Variants in ORC3 observed in about 807,000 individuals in gnomAD.
ORC3 encodes the protein homolog of latheo, Drosophila.
ORC3 carries 78 observed loss-of-function variants against 100.7 expected under a neutral mutation model. The observed-to-expected ratio is 0.77, with a 90% confidence interval of 0.65 to 0.94. The LOEUF is 0.94. ORC3 is among the 40% of genes least tolerant of loss of function. ORC3 has a pLI of 0.00. For missense variants in ORC3, 789 were observed against 823.9 expected (o/e 0.96, Z 0.52); for synonymous variants, 295 against 289.3 (o/e 1.02, Z -0.20).
intron 8 of ORC3, among the ~76,000 whole-genome samples, chr6:87,612,624 T>C (rs995801924): frequency 2.0e-5 from 3 of 152,204 alleles, no homozygotes; most frequent in Non-Finnish European, 4.4e-5. Flanking sequence ...TAATTTTTAT[T>C]TTTTTGAGAA....
chr6:87,627,732 T>G (rs910737073), intron 11 of ORC3, among the ~76,000 whole-genome samples: 2 of 152,216 alleles, frequency 1.3e-5, no homozygotes, highest in African/African-American at 4.8e-5. Context: ...GTTTATCATT[T>G]TGTGCCCATT....
intron 3 of ORC3, 108 bp downstream of exon 3, chr6:87,601,989 A>T (rs2128247680): frequency 1.4e-6 from 1 of 728,336 alleles, no homozygotes; most frequent in South Asian, 1.6e-5. Flanking sequence ...TATAGGAAGT[A>T]TTGGTCAAGC....
intron 2 of ORC3, among the ~76,000 whole-genome samples, chr6:87,594,996 A>T (rs1351610205): frequency 6.6e-6 from 1 of 152,246 alleles, no homozygotes; most frequent in Non-Finnish European, 1.5e-5. Context: ...ATTCCATTTT[A>T]TGAATAAACT....
intron 16 of ORC3, among the ~76,000 whole-genome samples, chr6:87,662,444 A>G (rs1256243039): frequency 6.6e-6 from 1 of 152,154 alleles, no homozygotes; most frequent in Non-Finnish European, 1.5e-5. Context: ...AAAAAAACCA[A>G]AACAAAACAA....
At position 87,621,497 on chromosome 6, in the gene ORC3, G is replaced by T. The variant is rs1222324405; in HGVS notation, c.1121+10G>T. 6.4e-7 allele frequency: 1 copy of T among 1,568,038 alleles called. No homozygotes were observed. Among genetic ancestry groups the T allele is most frequent in the South Asian group, 1.2e-5 (1 of 83,744 alleles). On this transcript the variant is annotated intron_variant, in intron 10 of 19. Transcript: ENST00000392844. ...TACCATCTTTTAGGAGGTAAAAAGA[G>T]AAGTACATGTTTAACACATACTATA...
chr6:87,624,503 G>C (rs1446721393), intron 11 of ORC3, among the ~76,000 whole-genome samples: 1 of 152,018 alleles, frequency 6.6e-6, no homozygotes, highest in East Asian at 1.9e-4. Flanking sequence ...CAAAACAAAA[G>C]AATGTGTCTT....
intron 2 of ORC3, among the ~76,000 whole-genome samples, chr6:87,601,563 G>A (rs1777900421): frequency 1.3e-5 from 2 of 151,938 alleles, no homozygotes; most frequent in South Asian, 4.2e-4. Context: ...ACAGCCACTC[G>A]GGAGGCTGAG....
the ORC3 span, among the ~76,000 whole-genome samples, chr6:87,676,316 T>A: frequency 1.4e-5 from 2 of 142,630 alleles, no homozygotes; most frequent in Admixed American, 1.4e-4. Flanking sequence ...TACAAAAAAA[T>A]TAGCTGGGCA....
chr6:87,600,533 A>G (rs1345267437), intron 2 of ORC3, among the ~76,000 whole-genome samples: 1 of 152,196 alleles, frequency 6.6e-6, no homozygotes, highest in Non-Finnish European at 1.5e-5. Flanking sequence ...GTTTGGGGGC[A>G]GTGGGAGGAA....
intron 13 of ORC3, among the ~76,000 whole-genome samples, chr6:87,643,192 T>A (rs1386701250): frequency 6.6e-6 from 1 of 151,998 alleles, no homozygotes; most frequent in Non-Finnish European, 1.5e-5. Flanking sequence ...GCGAGGTGGC[T>A]CACGCCTGTA....
intron 13 of ORC3, among the ~76,000 whole-genome samples, chr6:87,650,033 T>G (rs1769125553): frequency 6.6e-6 from 1 of 151,676 alleles, no homozygotes; most frequent in Non-Finnish European, 1.5e-5. Context: ...GCATATATAT[T>G]TTTTATTCAC....
intron 7 of ORC3, chr6:87,609,434 G>T: frequency 2.2e-6 from 1 of 453,350 alleles, no homozygotes; most frequent in Non-Finnish European, 3.9e-6. Flanking sequence ...GGCACATTTA[G>T]CCAGTTTTAA....
chr6:87,613,730 G>T (rs187461618), intron 8 of ORC3, among the ~76,000 whole-genome samples: 1 of 152,164 alleles, frequency 6.6e-6, no homozygotes, highest in Non-Finnish European at 1.5e-5. Context: ...GAAATCCAGC[G>T]AGGTAGTCAA....
chr6:87,591,552 C>T (rs1344223400), intron 1 of ORC3, among the ~76,000 whole-genome samples: 2 of 151,992 alleles, frequency 1.3e-5, no homozygotes, highest in African/African-American at 4.8e-5. Context: ...ATGGTCTATC[C>T]CTTAATCCTG....
Position 87,642,328 on chromosome 6 carries a change from C to T in ORC3, c.1382+5842C>T, listed in dbSNP as rs1031396890. Among the ~76,000 whole-genome samples the T allele has an allele frequency of 1.1e-4, 17 of 152,008 alleles. 1 individual carries two copies. The highest frequency in any genetic ancestry group is 3.1e-4 in the African/African-American group (13 of 41,390). On this transcript the variant is annotated intron_variant, in intron 13 of 19. Transcript: ENST00000392844. ...TAAATAGGCCGAGCATAGTGGCTGA[C>T]GCCTGTAATTCAAGTACTTTGGGAG...
At chr6:87,662,476 G>A (rs115552160) in intron 16 of ORC3, among the ~76,000 whole-genome samples, 125 of 152,160 alleles carry the variant, frequency 8.2e-4, no homozygotes, top group African/African-American at 2.8e-3. Context: ...AACTTTTGAG[G>A]TGTCATTTCC....
intron 13 of ORC3, among the ~76,000 whole-genome samples, chr6:87,643,494 G>A (rs1339826271): frequency 1.3e-5 from 2 of 152,092 alleles, no homozygotes; most frequent in African/African-American, 2.4e-5. Flanking sequence ...TTGTGGAGAA[G>A]CTGAATGGCT....
At chr6:87,659,516 G>A (rs780161141) in intron 16 of ORC3, among the ~76,000 whole-genome samples, 14 of 152,116 alleles carry the variant, frequency 9.2e-5, no homozygotes, top group Non-Finnish European at 1.5e-4. Context: ...TAGTTTTCCA[G>A]AATAATGTGG....
chr6:87,641,994 C>A (rs1030601821), intron 13 of ORC3, among the ~76,000 whole-genome samples: 1 of 152,116 alleles, frequency 6.6e-6, no homozygotes, highest in Non-Finnish European at 1.5e-5. Flanking sequence ...TGTAAGACTG[C>A]ATCATTAAAA....
Sources: gnomAD v4.1 joint callset for allele counts (sites outside exome capture counted in the v4.1 genomes callset) on GRCh38, gnomAD v4.1.1 for gene constraint, MANE v1.5 for transcripts, NCBI Gene and HGNC (gene_info 2026-07-23, HGNC 2026-07-21) for gene names.